Variants in THSD7A observed in about 807,000 individuals in gnomAD.
THSD7A encodes the protein thrombospondin type-1 domain-containing protein 7A.
In THSD7A, 96 loss-of-function variants were observed where a neutral mutation model predicts 231.3. That is an observed-to-expected ratio of 0.41 (90% confidence interval 0.35 to 0.49). THSD7A has a LOEUF of 0.49. THSD7A is among the 20% of genes least tolerant of loss of function. The pLI is 0.05. For missense variants in THSD7A, 2,290 were observed against 2,070.2 expected, an observed-to-expected ratio of 1.11 and a Z score of -2.06; for synonymous variants, 940 against 743.3, an observed-to-expected ratio of 1.26 and a Z score of -4.30.
intron 1 of THSD7A, among the ~76,000 whole-genome samples, chr7:11,648,434 C>T (rs945740077): frequency 6.6e-6 from 1 of 151,930 alleles, no homozygotes; most frequent in Non-Finnish European, 1.5e-5. Flanking sequence ...ATGTAATTTA[C>T]TTTTTTTGTT....
chr7:11,593,018 T>C (rs1780224725), intron 3 of THSD7A, among the ~76,000 whole-genome samples: 1 of 152,168 alleles, frequency 6.6e-6, no homozygotes, highest in African/African-American at 2.4e-5. Flanking sequence ...CAGAAAAATT[T>C]TGGCAACTCC....
intron 1 of THSD7A, among the ~76,000 whole-genome samples, chr7:11,731,948 T>C (rs552341597): frequency 2.0e-5 from 3 of 151,802 alleles, no homozygotes; most frequent in African/African-American, 7.2e-5. Context: ...TCAGAATCCT[T>C]AGTACACTAG....
chr7:11,784,523 A>C (rs1429515757), intron 1 of THSD7A, among the ~76,000 whole-genome samples: 1 of 151,790 alleles, frequency 6.6e-6, no homozygotes, highest in African/African-American at 2.4e-5. Context: ...CAGTTAACTA[A>C]TTCTCCATTC....
At chr7:11,606,845 TTAGA>T (rs1244600168) in intron 2 of THSD7A, among the ~76,000 whole-genome samples, 1 of 152,044 alleles carries the variant, frequency 6.6e-6, no homozygotes, top group Non-Finnish European at 1.5e-5. Context: ...ATTTATTTAA[TTAGA>T]TAATTTGTCC....
intron 13 of THSD7A, among the ~76,000 whole-genome samples, chr7:11,433,648 T>C (rs1784545499): frequency 6.6e-6 from 1 of 152,022 alleles, no homozygotes; most frequent in Non-Finnish European, 1.5e-5. Context: ...AAAATGTCTC[T>C]CAAAAGTAAA....
intron 13 of THSD7A, among the ~76,000 whole-genome samples, chr7:11,432,770 G>T (rs1784518622): frequency 6.6e-6 from 1 of 151,964 alleles, no homozygotes; most frequent in African/African-American, 2.4e-5. Context: ...GTGCTGCTAT[G>T]AATATTCTAG....
At chr7:11,376,383 T>C (rs1221718118) in intron 27 of THSD7A, among the ~76,000 whole-genome samples, 187 bp downstream of exon 27, 2 of 152,094 alleles carry the variant, frequency 1.3e-5, no homozygotes, top group African/African-American at 2.4e-5. Context: ...AGCAAGCTCT[T>C]GCTCATCTTT....
intron 1 of THSD7A, among the ~76,000 whole-genome samples, chr7:11,781,525 G>A (rs915092521): frequency 2.0e-5 from 3 of 152,118 alleles, no homozygotes; most frequent in African/African-American, 7.2e-5. Context: ...CTACTTCGAT[G>A]TAAAAATCCT....
intron 1 of THSD7A, among the ~76,000 whole-genome samples, chr7:11,655,248 T>G (rs1009085522): frequency 1.3e-5 from 2 of 151,894 alleles, no homozygotes; most frequent in Admixed American, 6.6e-5. Flanking sequence ...ATTATTTATT[T>G]TAGAATCTGT....
intron 23 of THSD7A, among the ~76,000 whole-genome samples, chr7:11,390,631 T>C (rs1023149017): frequency 1.3e-5 from 2 of 152,230 alleles, no homozygotes; most frequent in African/African-American, 4.8e-5. Context: ...TTTTGTTCCC[T>C]TGCTGGTGAG....
chr7:11,701,179 A>AGTGT (rs34791405), intron 1 of THSD7A, among the ~76,000 whole-genome samples: 36,603 of 150,340 alleles, frequency 0.24, 4,481 homozygotes, highest in Admixed American at 0.29. Context: ...AAAAAACACA[A>AGTGT]GTGTGTGTGT....
chr7:11,461,046 A>G (rs904753814), intron 10 of THSD7A, among the ~76,000 whole-genome samples: 1 of 152,190 alleles, frequency 6.6e-6, no homozygotes, highest in Non-Finnish European at 1.5e-5. Flanking sequence ...AGGACTGCCA[A>G]CAAATGCACC....
In THSD7A at chr7:11,636,516, G is replaced by A. The variant is rs760448242; in HGVS notation, c.636C>T (p.Ser212=). The A allele has an allele frequency of 1.9e-6, 3 of 1,613,838 alleles. No individual in the cohort carries two copies. In the South Asian group the frequency reaches 3.3e-5, roughly 18 times the overall value. The change falls in exon 2 of 28, where the codon AGC becomes AGT. Residue 212 remains serine (S), a synonymous_variant. Transcript: ENST00000423059. This position sits in a 1 kb window ranked among gnomAD's most constrained non-coding sequence, Gnocchi z 10.0. Reference sequence around the variant, plus strand: ...CATGACGCGTCCGGTGCTGGAGCCCGCTGCCGCAGGTCTTGGAGCATTCGG... The same window carrying A: ...CATGACGCGTCCGGTGCTGGAGCCCACTGCCGCAGGTCTTGGAGCATTCGG... The part of the protein sequence containing the change: ...AWSECSKTCG[S]GLQHRTRHVV...
intron 19 of THSD7A, among the ~76,000 whole-genome samples, chr7:11,410,954 C>A (rs1382155170): frequency 6.6e-6 from 1 of 151,714 alleles, no homozygotes; most frequent in Admixed American, 6.6e-5. Context: ...CGTATTGTTC[C>A]CCAAGCATTT....
intron 1 of THSD7A, among the ~76,000 whole-genome samples, chr7:11,657,213 C>T (rs751184413): frequency 6.6e-6 from 1 of 151,662 alleles, no homozygotes. Flanking sequence ...ACACTGAGAA[C>T]ATAAAGAAGA....
intron 2 of THSD7A, among the ~76,000 whole-genome samples, chr7:11,625,922 A>C (rs935622044): frequency 2.6e-5 from 4 of 152,116 alleles, no homozygotes; most frequent in African/African-American, 9.7e-5. Context: ...CACTGCCCCG[A>C]TCAGCAGCAA....
At chr7:11,679,397 G>A (rs922742464) in intron 1 of THSD7A, among the ~76,000 whole-genome samples, 8 of 152,064 alleles carry the variant, frequency 5.3e-5, no homozygotes, top group South Asian at 4.1e-4. Flanking sequence ...TAGGAAAATC[G>A]GAAGTCAAAT....
At chr7:11,460,521 G>T in intron 11 of THSD7A, 141 bp downstream of exon 11, 1 of 546,810 alleles carries the variant, frequency 1.8e-6, no homozygotes, top group Non-Finnish European at 3.2e-6. Context: ...TCTATGTCCT[G>T]ATGTTTTGTG....
chr7:11,729,770 G>C (rs2355072), intron 1 of THSD7A, among the ~76,000 whole-genome samples: 126,222 of 151,604 alleles, frequency 0.83, 53,139 homozygotes, highest in African/African-American at 0.95. Flanking sequence ...TGGAAACACA[G>C]TTAATCTGTT....
Sources: allele counts gnomAD v4.1 joint callset (sites outside exome capture counted in the v4.1 genomes callset), GRCh38; gene constraint gnomAD v4.1.1; non-coding constraint Gnocchi (gnomAD v3.1); transcripts MANE v1.5; gene names NCBI Gene and HGNC (gene_info 2026-07-23, HGNC 2026-07-21).